HAPLN1: variants seen among roughly 807,000 people sequenced by gnomAD.
HAPLN1 encodes Cartilage link protein.
In HAPLN1, 13 loss-of-function variants were observed where a neutral mutation model predicts 36.5. The ratio of observed to expected loss-of-function variants is 0.36; its 90% CI spans 0.23 to 0.57. HAPLN1 has a LOEUF of 0.57. HAPLN1 is among the 20% of genes least tolerant of loss of function. The probability of loss-of-function intolerance (pLI) is 0.83; values close to 1 mark genes in which losing one functional copy is unlikely to be tolerated. For missense variants in HAPLN1, 407 were observed against 439.7 expected, an observed-to-expected ratio of 0.93 and a Z score of 0.66; for synonymous variants, 202 against 169.8, an observed-to-expected ratio of 1.19 and a Z score of -1.48.
At chr5:83,655,517 G>GGT (rs60890807) in intron 2 of HAPLN1, among the ~76,000 whole-genome samples, 66,118 of 147,724 alleles carry the variant, frequency 0.45, 14,466 homozygotes, top group African/African-American at 0.47. Context: ...TTCACTTTGG[G>GGT]GTGTGTGTGT....
At chr5:83,667,846 C>G (rs1750597067) in intron 2 of HAPLN1, among the ~76,000 whole-genome samples, 1 of 152,206 alleles carries the variant, frequency 6.6e-6, no homozygotes, top group Admixed American at 6.5e-5. Flanking sequence ...TTCAAAGATG[C>G]ATACATGCAT....
intron 1 of HAPLN1, among the ~76,000 whole-genome samples, chr5:83,707,660 G>A (rs1185186135): frequency 6.6e-6 from 1 of 152,126 alleles, no homozygotes; most frequent in African/African-American, 2.4e-5. Context: ...ATACCATCCT[G>A]GAAACAGGAA....
At chr5:83,655,287 C>T (rs1265252375) in intron 2 of HAPLN1, among the ~76,000 whole-genome samples, 2 of 152,158 alleles carry the variant, frequency 1.3e-5, no homozygotes, top group Non-Finnish European at 2.9e-5. Context: ...ACTCAGACTT[C>T]TAATTTTTTT....
In HAPLN1 at chr5:83,637,971, T is replaced by C. The variant is rs1412282869; in HGVS notation, c.*3525A>G. The C allele has an allele frequency of 6.6e-6, 1 of 151,904 alleles. No homozygotes were observed. Among genetic ancestry groups the C allele is most frequent in the African/African-American group, 2.4e-5 (1 of 41,406 alleles). 9.4% of individuals were successfully genotyped at this position (151,904 alleles called of 1,614,324 possible). A position where few individuals can be genotyped will look rare whatever the true frequency, so the allele number is the denominator to read the frequency against. On this transcript the variant is annotated 3_prime_UTR_variant, in exon 5 of 5. Coordinates refer to ENST00000274341, the MANE Select transcript of HAPLN1 (RefSeq NM_001884.4). ...TACAAAGAGAAAAAAGTCAATATAT[T>C]TTGGGATAATACTATAGTTGATTTA...
chr5:83,642,219 T>C (rs1749722917), intron 4 of HAPLN1, among the ~76,000 whole-genome samples: 1 of 152,080 alleles, frequency 6.6e-6, no homozygotes, highest in Non-Finnish European at 1.5e-5. Flanking sequence ...ATTCCTGACA[T>C]AAAAGTCCAT....
Position 83,641,020 on chromosome 5 carries a change from A to T in HAPLN1, c.*476T>A, listed in dbSNP as rs1473528841. 6.6e-6 allele frequency: 1 copy of T among 152,112 alleles called. No individual in the cohort carries two copies. Among genetic ancestry groups the T allele is most frequent in the Non-Finnish European group, 1.5e-5 (1 of 67,992 alleles). 9.4% of individuals were successfully genotyped at this position (152,112 alleles called of 1,614,324 possible). On this transcript the variant is annotated 3_prime_UTR_variant, in exon 5 of 5. Coordinates refer to ENST00000274341, the MANE Select transcript of HAPLN1 (RefSeq NM_001884.4). ...GAAAGGTATAGATTGTTCCCTTGTG[A>T]AACTGAGTTTTGTATAACCTCTCAG...
At chr5:83,684,718 CA>C (rs573680708) in intron 1 of HAPLN1, among the ~76,000 whole-genome samples, 163 of 152,116 alleles carry the variant, frequency 1.1e-3, no homozygotes, top group Non-Finnish European at 1.8e-3. Flanking sequence ...GACAGGGAGT[CA>C]GGGGCAAGAC....
chr5:83,652,372 C>A, intron 3 of HAPLN1, 81 bp downstream of exon 3: 2 of 1,407,360 alleles, frequency 1.4e-6, no homozygotes, highest in Non-Finnish European at 1.9e-6. Context: ...ACTGTGTTAA[C>A]CACTAGACAT....
At chr5:83,692,309 T>A (rs957729228) in intron 1 of HAPLN1, among the ~76,000 whole-genome samples, 2 of 151,428 alleles carry the variant, frequency 1.3e-5, no homozygotes, top group African/African-American at 4.8e-5. Flanking sequence ...ACAAGAAACA[T>A]GCAGAAAATT....
At chr5:83,649,501 T>C (rs1448053053) in intron 3 of HAPLN1, among the ~76,000 whole-genome samples, 1 of 152,124 alleles carries the variant, frequency 6.6e-6, no homozygotes, top group African/African-American at 2.4e-5. Context: ...CAGGCTGGAG[T>C]GCAATGGCGC....
chr5:83,678,268 C>T (rs1750911063), intron 1 of HAPLN1, among the ~76,000 whole-genome samples: 1 of 141,834 alleles, frequency 7.1e-6, no homozygotes, highest in African/African-American at 2.6e-5. Context: ...AAAAATGTTA[C>T]TTTAAAACAC....
In HAPLN1 at chr5:83,645,475, CTTTT is replaced by C; in HGVS notation, c.473-814_473-811del. Among the ~76,000 whole-genome samples the C allele has an allele frequency of 2.0e-4, 15 of 74,334 alleles. 1 individual carries two copies. The East Asian group carries it at 2.3e-3, about 12-fold the overall frequency. 48.8% of individuals were successfully genotyped at this position (74,334 alleles called of 152,430 possible). A position where few individuals can be genotyped will look rare whatever the true frequency, so the allele number is the denominator to read the frequency against. On this transcript the variant is annotated intron_variant, in intron 3 of 4. Transcript: ENST00000274341. Reference sequence around the variant, plus strand: ...GTGATTTTCTTTTTTCTTTTTCTTTCTTTTTTTTTTTTTTTTAGCTCATCAGCTA... The same window carrying C: ...GTGATTTTCTTTTTTCTTTTTCTTTCTTTTTTTTTTTTAGCTCATCAGCTA...
intron 1 of HAPLN1, among the ~76,000 whole-genome samples, chr5:83,681,365 A>T (rs1472812696): frequency 6.6e-6 from 1 of 152,192 alleles, no homozygotes; most frequent in Non-Finnish European, 1.5e-5. Context: ...TGTCTGAAAC[A>T]TTCTAAAGGA....
At chr5:83,688,785 A>G (rs1232391770) in intron 1 of HAPLN1, among the ~76,000 whole-genome samples, 1 of 151,620 alleles carries the variant, frequency 6.6e-6, no homozygotes, top group Non-Finnish European at 1.5e-5. Flanking sequence ...GAAACGGTGG[A>G]CAGAAAACGA....
chr5:83,663,641 C>T (rs1165042061), intron 2 of HAPLN1, among the ~76,000 whole-genome samples: 1 of 152,240 alleles, frequency 6.6e-6, no homozygotes, highest in African/African-American at 2.4e-5. Context: ...TCCCTCCTCC[C>T]TCGCCCAAAT....
Position 83,640,226 on chromosome 5 carries a change from T to C in HAPLN1, c.*1270A>G, listed in dbSNP as rs186974154. 6.6e-6 allele frequency: 1 copy of C among 152,300 alleles called. No homozygotes were observed. The allele number at this position is 152,300 out of a possible 1,614,324, so 9.4% of individuals were successfully genotyped here. On this transcript the variant is annotated 3_prime_UTR_variant, in exon 5 of 5. Transcript: ENST00000274341. ...GAGCTTTATTTAAGAAGATTGGAGC[T>C]GCTAATGTGGAAAATTGTGTTTGGA...
intron 1 of HAPLN1, among the ~76,000 whole-genome samples, chr5:83,720,125 T>C (rs1751989254): frequency 6.6e-6 from 1 of 152,246 alleles, no homozygotes. Flanking sequence ...ATACAAATAA[T>C]TTCTTTAAGC....
At chr5:83,694,203 C>A (rs576331815) in intron 1 of HAPLN1, among the ~76,000 whole-genome samples, 1 of 151,718 alleles carries the variant, frequency 6.6e-6, no homozygotes, top group Non-Finnish European at 1.5e-5. Context: ...ACCCAAGGGT[C>A]AGTGAAAAAA....
intron 2 of HAPLN1, among the ~76,000 whole-genome samples, chr5:83,661,435 CTTTTTTTTTTTTTTTTT>C (rs56005008): frequency 1.6e-5 from 1 of 62,956 alleles, no homozygotes; most frequent in Admixed American, 2.4e-4. Flanking sequence ...AGAAAAGCTT[CTTTTTTTTTTTTTTTTT>C]TTTTTTTTTT....
Sources: gnomAD v4.1 joint callset for allele counts (sites outside exome capture counted in the v4.1 genomes callset) on GRCh38, gnomAD v4.1.1 for gene constraint, MANE v1.5 for transcripts, NCBI Gene and HGNC (gene_info 2026-07-23, HGNC 2026-07-21) for gene names.